GRIA1: variants seen among roughly 807,000 people sequenced by gnomAD.
GRIA1 encodes glutamate receptor 1.
A neutral mutation model predicts 99.2 loss-of-function variants in GRIA1; 31 were observed. The ratio of observed to expected loss-of-function variants is 0.31; its 90% CI spans 0.23 to 0.42. GRIA1 has a LOEUF of 0.42. Among genes scored for constraint, GRIA1 ranks in the 10% least tolerant of loss-of-function variants. The pLI, the probability that GRIA1 is intolerant of heterozygous loss-of-function variation, is 1.00. For missense variants in GRIA1, 782 were observed against 1,157.5 expected (o/e 0.68, Z 4.71); for synonymous variants, 438 against 432.4 (o/e 1.01, Z -0.16).
At chr5:153,510,451 G>A (rs556103317) in intron 2 of GRIA1, among the ~76,000 whole-genome samples, 36 of 152,260 alleles carry the variant, frequency 2.4e-4, no homozygotes, top group African/African-American at 7.2e-4. Context: ...TAAATCCAGC[G>A]GGCATTGTGA....
intron 13 of GRIA1, among the ~76,000 whole-genome samples, chr5:153,785,850 A>G (rs1764935394): frequency 1.3e-5 from 2 of 152,346 alleles, no homozygotes; most frequent in South Asian, 4.1e-4. Context: ...TAATAATTCC[A>G]GGTTTGCCGT....
chr5:153,621,331 G>T, intron 2 of GRIA1, among the ~76,000 whole-genome samples: 1 of 152,140 alleles, frequency 6.6e-6, no homozygotes, highest in Non-Finnish European at 1.5e-5. Flanking sequence ...GACAGGCATG[G>T]TGGTACACAC....
chr5:153,811,394 C>T lies in GRIA1; in HGVS notation c.*169C>T. On this transcript the variant is annotated 3_prime_UTR_variant, in exon 16 of 16. Coordinates refer to ENST00000285900, the MANE Select transcript of GRIA1 (RefSeq NM_000827.4). Reference sequence around the variant, plus strand: ...CCTGAAGAATTGAAAAACCATTTTGCTGTCCCTTTTCCTTTTTTGATGTTC... The same window carrying T: ...CCTGAAGAATTGAAAAACCATTTTGTTGTCCCTTTTCCTTTTTTGATGTTC... 1.7e-6 allele frequency: 1 copy of T among 597,358 alleles called. No homozygotes were observed. Among genetic ancestry groups the T allele is most frequent in the Non-Finnish European group, 3.0e-6 (1 of 332,574 alleles). The allele number at this position is 597,358 out of a possible 1,614,324, so 37.0% of individuals were successfully genotyped here.
At chr5:153,801,816 T>G (rs1384518150) in intron 14 of GRIA1, among the ~76,000 whole-genome samples, 35 of 152,212 alleles carry the variant, frequency 2.3e-4, no homozygotes, top group Non-Finnish European at 5.9e-5. Flanking sequence ...ATATATACAA[T>G]AACTGTCTTA....
intron 2 of GRIA1, among the ~76,000 whole-genome samples, chr5:153,511,804 C>G (rs1434763251): frequency 2.6e-5 from 4 of 152,142 alleles, no homozygotes; most frequent in Admixed American, 6.5e-5. Flanking sequence ...CAGTTTTACC[C>G]AGAACAAGGA....
chr5:153,654,522 T>G (rs1754797836), intron 4 of GRIA1, among the ~76,000 whole-genome samples: 1 of 152,138 alleles, frequency 6.6e-6, no homozygotes, highest in Non-Finnish European at 1.5e-5. Context: ...TAACGAAGAA[T>G]TATTAATAAA....
intron 2 of GRIA1, among the ~76,000 whole-genome samples, chr5:153,542,069 G>T (rs1378386243): frequency 6.6e-6 from 1 of 151,404 alleles, no homozygotes; most frequent in Admixed American, 6.6e-5. Context: ...ATCCCAATCT[G>T]CTCTGTCCTT....
intron 13 of GRIA1, among the ~76,000 whole-genome samples, chr5:153,794,337 G>A (rs1765499974): frequency 6.6e-6 from 1 of 152,164 alleles, no homozygotes; most frequent in South Asian, 2.1e-4. Flanking sequence ...ATCTATAAAA[G>A]CAGACAGGAG....
intron 2 of GRIA1, among the ~76,000 whole-genome samples, chr5:153,547,924 A>G (rs1759758046): frequency 6.6e-6 from 1 of 152,208 alleles, no homozygotes; most frequent in Non-Finnish European, 1.5e-5. Flanking sequence ...TATAGGTCAG[A>G]TATAATTATC....
chr5:153,677,263 G>T (rs1756657349), intron 7 of GRIA1, 102 bp downstream of exon 7: 1 of 1,008,278 alleles, frequency 9.9e-7, no homozygotes, highest in African/African-American at 1.7e-5. Context: ...GGAAGAAAAT[G>T]CCTGAAGTTC....
chr5:153,706,141 A>G lies in GRIA1; in HGVS notation c.1823+74A>G, dbSNP rs112492581. 1,512 of 668,270 alleles carry G rather than the reference A, an allele frequency of 2.3e-3. 21 individuals carry two copies. In the African/African-American group the frequency reaches 0.03, roughly 13 times the overall value. The allele number at this position is 668,270 out of a possible 1,614,324, so 41.4% of individuals were successfully genotyped here. On this transcript the variant is annotated intron_variant, in intron 11 of 15. Transcript: ENST00000285900. ...GTTTGTTTGTTTGTTTGTTTTTTAA[A>G]TACTGAAAAGTAAAGAGATGAATTA...
In GRIA1 at chr5:153,688,912, G is replaced by A. The variant is rs143568631; in HGVS notation, c.1134+2583G>A. On this transcript the variant is annotated intron_variant, in intron 8 of 15. Transcript: ENST00000285900. The stretch of plus-strand genomic sequence containing the variant: ...TTTTTGTATTTTGGGTAGACACGGG[G>A]TTTCTCACGACGTTGGCCAGACTGG... Among the ~76,000 whole-genome samples, 570 of 152,184 alleles carry A rather than the reference G, an allele frequency of 3.7e-3. 5 individuals are homozygous for A. The highest frequency in any genetic ancestry group is 0.013 in the African/African-American group (556 of 41,536).
intron 2 of GRIA1, among the ~76,000 whole-genome samples, chr5:153,586,151 G>T (rs778087777): frequency 2.0e-5 from 3 of 152,276 alleles, no homozygotes; most frequent in East Asian, 3.9e-4. Context: ...CTTGTTGTCT[G>T]AAATTATCAT....
chr5:153,738,242 C>G (rs1761529608), intron 11 of GRIA1, among the ~76,000 whole-genome samples: 1 of 152,220 alleles, frequency 6.6e-6, no homozygotes, highest in Non-Finnish European at 1.5e-5. Flanking sequence ...AAAACTCCTA[C>G]TAAAATGTTT....
intron 2 of GRIA1, among the ~76,000 whole-genome samples, chr5:153,552,702 C>T (rs1036660516): frequency 2.0e-5 from 3 of 152,010 alleles, no homozygotes; most frequent in Non-Finnish European, 4.4e-5. Flanking sequence ...ATACAAATCA[C>T]CTGGAGATTT....
At chr5:153,726,324 A>G (rs1389679860) in intron 11 of GRIA1, among the ~76,000 whole-genome samples, 44 of 149,090 alleles carry the variant, frequency 3.0e-4, no homozygotes, top group Non-Finnish European at 1.0e-4. Context: ...CATCACAATT[A>G]AAAGAACTAG....
At chr5:153,616,133 T>C (rs1219572690) in intron 2 of GRIA1, among the ~76,000 whole-genome samples, 2 of 152,088 alleles carry the variant, frequency 1.3e-5, no homozygotes, top group Non-Finnish European at 2.9e-5. Flanking sequence ...CCAGATTCAG[T>C]ATCACTTCTG....
chr5:153,724,552 AGGAGCTGAT>A (rs1319760333), intron 11 of GRIA1, among the ~76,000 whole-genome samples: 1 of 152,270 alleles, frequency 6.6e-6, no homozygotes, highest in Non-Finnish European at 1.5e-5. Flanking sequence ...AAGTGCTCAA[AGGAGCTGAT>A]GGAGCTGAAA....
chr5:153,654,066 T>C (rs918524), intron 4 of GRIA1, among the ~76,000 whole-genome samples: 61,683 of 151,990 alleles, frequency 0.41, 13,213 homozygotes, highest in Non-Finnish European at 0.45. Flanking sequence ...TATATTTATC[T>C]GTTCACCTAT....
Sources: gnomAD v4.1 joint callset for allele counts (sites outside exome capture counted in the v4.1 genomes callset) on GRCh38, gnomAD v4.1.1 for gene constraint, MANE v1.5 for transcripts, NCBI Gene and HGNC (gene_info 2026-07-23, HGNC 2026-07-21) for gene names.